The following MARCO variants were observed in gnomAD, a reference collection of about 807,000 sequenced individuals.
MARCO encodes the protein macrophage receptor MARCO.
MARCO carries 72 observed loss-of-function variants against 70.0 expected under a neutral mutation model. The observed-to-expected ratio is 1.03, with a 90% CI of 0.85 to 1.25. MARCO has a LOEUF of 1.25. Ranked by LOEUF, MARCO falls within the 50% of genes most tolerant of loss-of-function variation. MARCO has a pLI of 0.00. For missense variants in MARCO, 696 were observed against 659.3 expected (o/e 1.06, Z -0.61); for synonymous variants, 273 against 243.1 (o/e 1.12, Z -1.14).
chr2:118,974,100 A>G (rs1332373628), intron 4 of MARCO, among the ~76,000 whole-genome samples: 1 of 152,190 alleles, frequency 6.6e-6, no homozygotes, highest in Non-Finnish European at 1.5e-5. Context: ...ACCCAGCTAA[A>G]GGGGCAGTGC....
intron 12 of MARCO, among the ~76,000 whole-genome samples, chr2:118,986,669 G>A (rs1281404548): frequency 4.4e-4 from 19 of 43,654 alleles, no homozygotes; most frequent in African/African-American, 2.1e-3. Flanking sequence ...AGGAAGGAAG[G>A]AAGGAAAGAA....
At chr2:118,969,380 G>A (rs1211572780) in intron 2 of MARCO, 119 bp downstream of exon 2, 3 of 721,560 alleles carry the variant, frequency 4.2e-6, no homozygotes, top group Non-Finnish European at 7.2e-6. Flanking sequence ...CCCATCTGCT[G>A]GGAGACAGTC....
At chr2:118,982,553 G>A in intron 12 of MARCO, 143 bp downstream of exon 12, 2 of 782,978 alleles carry the variant, frequency 2.6e-6, no homozygotes, top group Admixed American at 4.3e-5. Flanking sequence ...TATGGGGGCA[G>A]TTGCCCCTGC....
chr2:118,962,946 A>C (rs1679977200), intron 1 of MARCO, among the ~76,000 whole-genome samples: 1 of 151,712 alleles, frequency 6.6e-6, no homozygotes, highest in Non-Finnish European at 1.5e-5. Context: ...TAGTGATAGC[A>C]CCTGTTTCAT....
intron 6 of MARCO, among the ~76,000 whole-genome samples, chr2:118,975,608 G>GTCC (rs1680264367): frequency 6.6e-6 from 1 of 152,178 alleles, no homozygotes; most frequent in Non-Finnish European, 1.5e-5. Flanking sequence ...TTATGGTGCA[G>GTCC]TCAGAGGTGT....
intron 1 of MARCO, among the ~76,000 whole-genome samples, chr2:118,955,659 T>C (rs187233330): frequency 3.3e-5 from 5 of 152,304 alleles, no homozygotes; most frequent in African/African-American, 4.8e-5. Flanking sequence ...CATCAGGTTA[T>C]CTAAAGTTAA....
intron 7 of MARCO, 72 bp downstream of exon 7, chr2:118,977,587 C>T: frequency 1.4e-6 from 2 of 1,381,998 alleles, no homozygotes; most frequent in Non-Finnish European, 2.1e-6. Flanking sequence ...CCCCCCACCC[C>T]CCATCCTCTT....
intron 16 of MARCO, 55 bp downstream of exon 16, chr2:118,993,355 T>C: frequency 5.1e-6 from 8 of 1,560,408 alleles, no homozygotes; most frequent in Non-Finnish European, 6.2e-6. Context: ...TGTGGCTTTC[T>C]CTCGCTGGTG....
intron 1 of MARCO, among the ~76,000 whole-genome samples, chr2:118,954,539 C>T (rs1679792081): frequency 6.6e-6 from 1 of 152,198 alleles, no homozygotes; most frequent in African/African-American, 2.4e-5. Context: ...AGGGCCACAC[C>T]CACTGCCAGT....
intron 1 of MARCO, among the ~76,000 whole-genome samples, chr2:118,968,419 G>A (rs1401183154): frequency 6.6e-6 from 1 of 152,168 alleles, no homozygotes; most frequent in Non-Finnish European, 1.5e-5. Flanking sequence ...GAAAAGCAAT[G>A]TGTGGTATTT....
Position 118,970,103 on chromosome 2 carries a change from G to C in MARCO, c.200-11G>C, listed in dbSNP as rs1355773146. 6.2e-7 allele frequency: 1 copy of C among 1,611,248 alleles called. No individual in the cohort carries two copies. Among genetic ancestry groups the C allele is most frequent in the East Asian group, 2.2e-5 (1 of 44,850 alleles). On this transcript the variant is annotated splice_polypyrimidine_tract_variant and intron_variant, in intron 2 of 16. Transcript: ENST00000327097. ...TCAGTCCCTAAAAGAATGCTGTGGGGTGGGGCCCAGTTCTGAATCTGCAGG... is the reference window on the plus strand; with the variant it reads ...TCAGTCCCTAAAAGAATGCTGTGGGCTGGGGCCCAGTTCTGAATCTGCAGG...
chr2:118,943,386 G>T (rs1221268563), intron 1 of MARCO, among the ~76,000 whole-genome samples: 6 of 152,232 alleles, frequency 3.9e-5, no homozygotes, highest in Non-Finnish European at 8.8e-5. Context: ...CTGTTTAAGA[G>T]ACTGAAGATG....
chr2:118,961,740 A>G (rs947568863), intron 1 of MARCO, among the ~76,000 whole-genome samples: 2 of 151,954 alleles, frequency 1.3e-5, no homozygotes, highest in South Asian at 2.1e-4. Flanking sequence ...CCATTTGTCA[A>G]TTTTTGCTTT....
chr2:118,944,595 C>T (rs1260589830), intron 1 of MARCO, among the ~76,000 whole-genome samples: 2 of 152,018 alleles, frequency 1.3e-5, no homozygotes, highest in Non-Finnish European at 2.9e-5. Flanking sequence ...ATTTATTTTT[C>T]TCTATTGTTG....
Position 118,987,210 on chromosome 2 carries a change from C to T in MARCO, c.1064-3379C>T, listed in dbSNP as rs375707703. Among the ~76,000 whole-genome samples the T allele has an allele frequency of 3.3e-5, 5 of 152,192 alleles. No individual in the cohort carries two copies. The East Asian group carries it at 9.6e-4, about 29-fold the overall frequency. On this transcript the variant is annotated intron_variant, in intron 12 of 16. Coordinates refer to ENST00000327097, the MANE Select transcript of MARCO (RefSeq NM_006770.4). ...ATAAGCTTGTGATACTTGGGGAAAG[C>T]CAGCTTGCTTATGGTTAAGAAGAAA... is the stretch of plus-strand genomic sequence containing the variant.
At chr2:118,990,911 G>A (rs1268376713) in intron 13 of MARCO, among the ~76,000 whole-genome samples, 1 of 152,156 alleles carries the variant, frequency 6.6e-6, no homozygotes, top group Non-Finnish European at 1.5e-5. Context: ...AGGAGAGCTG[G>A]GGGTGCAGGC....
In MARCO at chr2:118,992,664, T is replaced by C. The variant is rs115047440; in HGVS notation, c.1252+188T>C. Among the ~76,000 whole-genome samples the C allele has an allele frequency of 8.7e-3, 1,317 of 151,198 alleles. 17 individuals carry two copies. Among genetic ancestry groups the C allele is most frequent in the African/African-American group, 0.029 (1,205 of 41,146 alleles). ...CAGCAGTTTCTCTCCCCAGCCACTCTCTCCCTTCCTTCCTTCTCTCCCTTC... is the reference window on the plus strand; with the variant it reads ...CAGCAGTTTCTCTCCCCAGCCACTCCCTCCCTTCCTTCCTTCTCTCCCTTC... On this transcript the variant is annotated intron_variant, in intron 15 of 16. Transcript: ENST00000327097.
Position 118,969,205 on chromosome 2 carries a change from T to C in MARCO, c.143T>C (p.Val48Ala). 1 of 1,614,198 alleles carries C rather than the reference T, an allele frequency of 6.2e-7. No homozygotes were observed. Among genetic ancestry groups the C allele is most frequent in the African/African-American group, 1.3e-5 (1 of 75,056 alleles). Reference protein sequence around the residue: ...RRNGVNFSLAVVVIYLILLTA... With the variant: ...RRNGVNFSLAAVVIYLILLTA... The stretch of plus-strand genomic sequence containing the variant: ...AATGGGGTGAACTTCTCCCTAGCTG[T>C]GGTGGTCATCTACCTGATCCTGCTC... Residue 48 changes from valine (V) to alanine (A), a missense_variant, in exon 2 of 17, where the codon GTG becomes GCG. Around this residue, in one of 3 missense-constraint regions of MARCO, gnomAD observed 605 missense variants for 537.6 expected, o/e 1.13. Transcript: ENST00000327097.
Position 118,991,777 on chromosome 2 carries a change from GC to G in MARCO, c.1112del (p.Pro371LeufsTer4). The G allele has an allele frequency of 6.4e-7, 1 of 1,569,856 alleles. No homozygotes were observed. ...ATCAGGGCAGTGTCTCTCCTTCCAG[GC>G]CCTGCAGGTGTGAAGGGAGAACAGG... ...QGRKGESGVP[G>X]PAGVKGEQGS... On this transcript the variant is annotated frameshift_variant and splice_region_variant, in exon 14 of 17. Coordinates refer to ENST00000327097, the MANE Select transcript of MARCO (RefSeq NM_006770.4). LOFTEE classifies it high-confidence loss of function.
Sources: gnomAD v4.1 joint callset for allele counts (sites outside exome capture counted in the v4.1 genomes callset) on GRCh38, gnomAD v4.1.1 for gene constraint, gnomAD v4.1.1 regional missense constraint, MANE v1.5 for transcripts, NCBI Gene and HGNC (gene_info 2026-07-23, HGNC 2026-07-21) for gene names.